The following ATP11A variants were observed in gnomAD, a reference collection of about 807,000 sequenced individuals.
The protein encoded by ATP11A is ATPase phospholipid transporting 11A, also known as phospholipid-transporting ATPase IH.
A neutral mutation model predicts 154.4 loss-of-function variants in ATP11A; 81 were observed. The ratio of observed to expected loss-of-function variants is 0.52; its 90% CI spans 0.44 to 0.63. The LOEUF (loss-of-function observed/expected upper bound fraction) is 0.63, where lower values mean the gene tolerates loss of function less well. Ranked by LOEUF, ATP11A falls within the 30% of genes least tolerant of loss-of-function variation. The probability of loss-of-function intolerance (pLI) is 0.00; values close to 1 mark genes in which losing one functional copy is unlikely to be tolerated. For synonymous variants in ATP11A, 623 were observed against 585.9 expected (o/e 1.06, Z -0.91); for missense variants, 1,316 against 1,474.3 (o/e 0.89, Z 1.76).
intron 1 of ATP11A, among the ~76,000 whole-genome samples, chr13:112,744,725 C>T (rs145868969): frequency 1.3e-5 from 2 of 152,326 alleles, no homozygotes; most frequent in East Asian, 1.9e-4. Context: ...CTTAGTCACC[C>T]GGCTGGTGTG....
intron 14 of ATP11A, among the ~76,000 whole-genome samples, chr13:112,833,959 C>T (rs979777439): frequency 9.9e-5 from 15 of 152,242 alleles, no homozygotes; most frequent in Admixed American, 9.8e-4. Context: ...CTGCCATCCC[C>T]CTGGTGCCGC....
chr13:112,839,399 C>T (rs7999349), intron 16 of ATP11A, among the ~76,000 whole-genome samples: 2,185 of 152,120 alleles, frequency 0.014, 58 homozygotes, highest in African/African-American at 0.05. Context: ...GCCCTTTTTC[C>T]AGCCATTTCG....
intron 4 of ATP11A, among the ~76,000 whole-genome samples, chr13:112,809,302 G>A (rs9550218): frequency 0.18 from 27,762 of 152,208 alleles, 2,636 homozygotes; most frequent in East Asian, 0.25. Flanking sequence ...AATGGTCACA[G>A]CTGGAGAAAG....
At chr13:112,876,706 G>T (rs960397740) in intron 28 of ATP11A, among the ~76,000 whole-genome samples, 1 of 152,258 alleles carries the variant, frequency 6.6e-6, no homozygotes, top group African/African-American at 2.4e-5. Flanking sequence ...ATGGGGAAAT[G>T]AGGGGTGGGG....
intron 14 of ATP11A, among the ~76,000 whole-genome samples, chr13:112,833,873 C>T (rs1282864263): frequency 6.6e-6 from 1 of 152,240 alleles, no homozygotes; most frequent in Non-Finnish European, 1.5e-5. Context: ...CTACCCCGCC[C>T]ACCTTTGAGA....
In ATP11A at chr13:112,708,500, C is replaced by G. The variant is rs184181894; in HGVS notation, c.39+18045C>G. Among the ~76,000 whole-genome samples the G allele has an allele frequency of 1.4e-3, 216 of 152,244 alleles. 1 individual carries two copies. Among genetic ancestry groups the G allele is most frequent in the Middle Eastern group, 0.01 (3 of 294 alleles). On this transcript the variant is annotated intron_variant, in intron 1 of 29. Coordinates refer to ENST00000375645, the MANE Select transcript of ATP11A (RefSeq NM_015205.3). Reference sequence around the variant, plus strand: ...GTATAGCATGAAATTGACTAGAAACCCTATTTGTCAGGTAATCTTCGCAGT... The same window carrying G: ...GTATAGCATGAAATTGACTAGAAACGCTATTTGTCAGGTAATCTTCGCAGT...
chr13:112,827,329 A>C (rs1259280373), intron 12 of ATP11A, among the ~76,000 whole-genome samples: 4 of 152,262 alleles, frequency 2.6e-5, no homozygotes. Context: ...CTGCTGCTGC[A>C]TGATGGCTGC....
intron 1 of ATP11A, among the ~76,000 whole-genome samples, chr13:112,780,234 C>T (rs745806139): frequency 6.6e-6 from 1 of 152,084 alleles, no homozygotes; most frequent in African/African-American, 2.4e-5. Context: ...GGAAAATATT[C>T]AAAGTCGTGC....
At chr13:112,736,723 A>C (rs1891038710) in intron 1 of ATP11A, among the ~76,000 whole-genome samples, 1 of 152,200 alleles carries the variant, frequency 6.6e-6, no homozygotes, top group South Asian at 2.1e-4. Context: ...TGCACTGTCC[A>C]TTTTAGGCAG....
Position 112,854,593 on chromosome 13 carries a change from C to A in ATP11A, c.2243+63C>A, listed in dbSNP as rs920465151. 3 of 1,540,602 alleles carry A rather than the reference C, an allele frequency of 1.9e-6. No homozygotes were observed. In the South Asian group the frequency reaches 3.5e-5, roughly 18 times the overall value. ...GCAAAAGGGGCTTCAGACCCAGTGG[C>A]CTTCACCTGCAAGTCGGGGAGCCGC... On this transcript the variant is annotated intron_variant, in intron 19 of 29. Coordinates refer to ENST00000375645, the MANE Select transcript of ATP11A (RefSeq NM_015205.3).
At chr13:112,879,331 A>T (rs1364753852) in intron 29 of ATP11A, among the ~76,000 whole-genome samples, 3 of 152,260 alleles carry the variant, frequency 2.0e-5, no homozygotes, top group Admixed American at 1.3e-4. Flanking sequence ...AATTAATCAG[A>T]ATCAACAGTT....
At position 112,784,505 on chromosome 13, in the gene ATP11A, G is replaced by A. The variant is rs576055983; in HGVS notation, c.40-630G>A. 4.0e-5 allele frequency among the ~76,000 whole-genome samples: 6 copies of A among 150,450 alleles called. No individual in the cohort carries two copies. The East Asian group carries it at 5.9e-4, about 15-fold the overall frequency. On this transcript the variant is annotated intron_variant, in intron 1 of 29. Transcript: ENST00000375645. ...GTCTCTTCTGTTTTGGAAGCCTTAC[G>A]ATTTGGCCACACGTTCTGTTCTTTT...
intron 1 of ATP11A, among the ~76,000 whole-genome samples, chr13:112,704,389 A>G (rs1181242338): frequency 6.6e-6 from 1 of 152,242 alleles, no homozygotes; most frequent in African/African-American, 2.4e-5. Context: ...CTGAAAATGC[A>G]AGGCCAAGTG....
At chr13:112,790,458 A>G (rs60782428) in intron 2 of ATP11A, among the ~76,000 whole-genome samples, 5,782 of 143,052 alleles carry the variant, frequency 0.04, 393 homozygotes, top group African/African-American at 0.14. Flanking sequence ...GTATTCTGAC[A>G]TGTAGACTCC....
At chr13:112,700,292 G>A (rs988475559) in intron 1 of ATP11A, among the ~76,000 whole-genome samples, 2 of 152,298 alleles carry the variant, frequency 1.3e-5, no homozygotes, top group South Asian at 4.1e-4. Context: ...AAGGGCAGGA[G>A]AGGCTGGCAT....
intron 1 of ATP11A, among the ~76,000 whole-genome samples, chr13:112,783,606 C>T (rs760408879): frequency 7.2e-5 from 11 of 152,196 alleles, no homozygotes; most frequent in African/African-American, 1.9e-4. Flanking sequence ...AGGAGGCTTC[C>T]GTCTCCTCTT....
intron 1 of ATP11A, among the ~76,000 whole-genome samples, chr13:112,732,622 T>A (rs2139698615): frequency 6.6e-6 from 1 of 152,332 alleles, no homozygotes; most frequent in East Asian, 1.9e-4. Flanking sequence ...TGTTTGTTTA[T>A]TTATTTTGAG....
Position 112,859,502 on chromosome 13 carries a change from C to A in ATP11A, c.2727+50C>A. On this transcript the variant is annotated intron_variant, in intron 23 of 29. Coordinates refer to ENST00000375645, the MANE Select transcript of ATP11A (RefSeq NM_015205.3). The surrounding 1 kb of genome is among the most constrained non-coding windows in gnomAD (Gnocchi z 4.3). Reference sequence around the variant, plus strand: ...AGGCTGTCTGAGCCTTCTTTTCCTTCCCGCAGTGGGTGGCTGCTGTGGGGA... The same window carrying A: ...AGGCTGTCTGAGCCTTCTTTTCCTTACCGCAGTGGGTGGCTGCTGTGGGGA... 6.7e-7 allele frequency: 1 copy of A among 1,496,752 alleles called. No homozygotes were observed. The highest frequency in any genetic ancestry group is 9.3e-7 in the Non-Finnish European group (1 of 1,073,514). 92.7% of individuals were successfully genotyped at this position (1,496,752 alleles called of 1,614,324 possible).
intron 17 of ATP11A, among the ~76,000 whole-genome samples, chr13:112,846,660 G>A (rs1423529456): frequency 2.6e-5 from 4 of 152,212 alleles, no homozygotes; most frequent in Non-Finnish European, 5.9e-5. Flanking sequence ...CAGTCCCCTC[G>A]TTTGGGGCAG....
Sources: allele counts gnomAD v4.1 joint callset (sites outside exome capture counted in the v4.1 genomes callset), GRCh38; gene constraint gnomAD v4.1.1; non-coding constraint Gnocchi (gnomAD v3.1); transcripts MANE v1.5; gene names NCBI Gene and HGNC (gene_info 2026-07-23, HGNC 2026-07-21).